The following DYNC1I1 variants were observed in gnomAD, a reference collection of about 807,000 sequenced individuals.
DYNC1I1 encodes dynein cytoplasmic 1 intermediate chain 1.
In DYNC1I1, 43 loss-of-function variants were observed where a neutral mutation model predicts 86.6. The ratio of observed to expected loss-of-function variants is 0.50; its 90% CI spans 0.39 to 0.64. The LOEUF (loss-of-function observed/expected upper bound fraction) is 0.64. DYNC1I1 is among the 30% of genes least tolerant of loss of function. The probability of loss-of-function intolerance (pLI) is 0.00; values close to 1 mark genes in which losing one functional copy is unlikely to be tolerated. For missense variants in DYNC1I1, 604 were observed against 788.8 expected (o/e 0.77, Z 2.81); for synonymous variants, 262 against 283.7 (o/e 0.92, Z 0.77).
chr7:95,995,471 A>G (rs1470887045), intron 9 of DYNC1I1, among the ~76,000 whole-genome samples: 1 of 152,188 alleles, frequency 6.6e-6, no homozygotes, highest in Non-Finnish European at 1.5e-5. Context: ...CCTGCATCTC[A>G]GAGAGAAATT....
chr7:96,025,635 G>T (rs1794659669), intron 10 of DYNC1I1, among the ~76,000 whole-genome samples: 1 of 152,096 alleles, frequency 6.6e-6, no homozygotes, highest in South Asian at 2.1e-4. Context: ...TTTTGAAATG[G>T]TTTAGTAGTC....
chr7:95,978,341 G>C (rs1039113196), intron 7 of DYNC1I1, among the ~76,000 whole-genome samples: 3 of 152,112 alleles, frequency 2.0e-5, no homozygotes, highest in African/African-American at 4.8e-5. Context: ...CCTCATAATA[G>C]CACTGTGCCT....
intron 7 of DYNC1I1, 68 bp downstream of exon 7, chr7:95,977,669 G>C: frequency 7.0e-7 from 1 of 1,438,778 alleles, no homozygotes; most frequent in Non-Finnish European, 9.5e-7. Flanking sequence ...ACTAATATAA[G>C]AGACTATAGA....
intron 5 of DYNC1I1, among the ~76,000 whole-genome samples, chr7:95,856,837 G>A (rs1013024887): frequency 1.3e-5 from 2 of 152,100 alleles, no homozygotes; most frequent in African/African-American, 4.8e-5. Context: ...AAATTAGCAG[G>A]GCGTGGTGGC....
chr7:95,857,934 C>T (rs970063062), intron 5 of DYNC1I1, among the ~76,000 whole-genome samples: 6 of 152,240 alleles, frequency 3.9e-5, no homozygotes, highest in African/African-American at 9.6e-5. Context: ...TTTCTTTCAA[C>T]GTCACAAACT....
chr7:96,015,982 G>A (rs527502072), intron 10 of DYNC1I1, among the ~76,000 whole-genome samples: 26 of 152,066 alleles, frequency 1.7e-4, no homozygotes, highest in Non-Finnish European at 3.5e-4. Flanking sequence ...AGGTCACCTG[G>A]TTCATCTTTG....
chr7:95,795,077 C>T (rs778229363), intron 1 of DYNC1I1, among the ~76,000 whole-genome samples: 11 of 152,202 alleles, frequency 7.2e-5, no homozygotes, highest in Non-Finnish European at 1.5e-4. Flanking sequence ...GCTTTTCCTT[C>T]TGGTGTCAGC....
intron 6 of DYNC1I1, among the ~76,000 whole-genome samples, chr7:95,945,523 ATTAAC>A (rs1440648922): frequency 1.3e-5 from 2 of 152,186 alleles, no homozygotes; most frequent in Admixed American, 6.5e-5. Context: ...CATATAATAA[ATTAAC>A]TTCAGAATAA....
At chr7:95,826,513 G>A (rs974166280) in intron 4 of DYNC1I1, among the ~76,000 whole-genome samples, 7 of 152,002 alleles carry the variant, frequency 4.6e-5, no homozygotes, top group South Asian at 2.1e-4. Flanking sequence ...AACAAATATC[G>A]TATTATATAA....
chr7:96,083,460 G>A (rs1790582437), intron 16 of DYNC1I1, among the ~76,000 whole-genome samples: 1 of 146,356 alleles, frequency 6.8e-6, no homozygotes, highest in African/African-American at 2.8e-5. Context: ...ACTTCTGAAA[G>A]AGGTAGATCC....
intron 1 of DYNC1I1, among the ~76,000 whole-genome samples, chr7:95,797,604 G>A (rs182247691): frequency 6.6e-6 from 1 of 152,264 alleles, no homozygotes; most frequent in Admixed American, 6.5e-5. Context: ...TCGATTCAAC[G>A]TTTAGGATAG....
intron 1 of DYNC1I1, among the ~76,000 whole-genome samples, chr7:95,798,817 C>T (rs1312585966): frequency 6.6e-6 from 1 of 152,192 alleles, no homozygotes; most frequent in East Asian, 1.9e-4. Flanking sequence ...CTGCTAGACA[C>T]TTTGTTCTAA....
chr7:96,005,115 CCAAT>C (rs1463251971), intron 10 of DYNC1I1, among the ~76,000 whole-genome samples: 1 of 152,154 alleles, frequency 6.6e-6, no homozygotes, highest in Non-Finnish European at 1.5e-5. Flanking sequence ...GCTGTCATAT[CCAAT>C]CAGTTTGTAT....
chr7:95,991,216 G>T (rs1484938258), intron 9 of DYNC1I1, among the ~76,000 whole-genome samples: 13 of 152,250 alleles, frequency 8.5e-5, no homozygotes, highest in Non-Finnish European at 2.9e-5. Context: ...ATTAGCCTGT[G>T]TTCAGTGACT....
At chr7:95,897,580 GA>G (rs1407021214) in intron 6 of DYNC1I1, among the ~76,000 whole-genome samples, 2 of 152,066 alleles carry the variant, frequency 1.3e-5, no homozygotes, top group Non-Finnish European at 2.9e-5. Context: ...TCATGAAGTG[GA>G]ATGAGTGGTC....
At chr7:95,975,907 CA>C (rs1793291398) in intron 6 of DYNC1I1, among the ~76,000 whole-genome samples, 1 of 152,132 alleles carries the variant, frequency 6.6e-6, no homozygotes, top group Admixed American at 6.5e-5. Context: ...GTCCTTGGGT[CA>C]GGAAGATACG....
chr7:96,026,309 A>G (rs181091994), intron 10 of DYNC1I1, among the ~76,000 whole-genome samples: 1 of 152,228 alleles, frequency 6.6e-6, no homozygotes, highest in Admixed American at 6.5e-5. Context: ...GCTGTTTCTA[A>G]CTAGGAAGCC....
intron 11 of DYNC1I1, among the ~76,000 whole-genome samples, chr7:96,032,432 T>G (rs1013208880): frequency 2.6e-5 from 4 of 152,198 alleles, no homozygotes; most frequent in Non-Finnish European, 5.9e-5. Context: ...TCCACTGCAT[T>G]GCATTCTGAC....
At chr7:96,044,265 A>C (rs1370560161) in intron 14 of DYNC1I1, among the ~76,000 whole-genome samples, 1 of 152,198 alleles carries the variant, frequency 6.6e-6, no homozygotes, top group African/African-American at 2.4e-5. Flanking sequence ...GCAATTAGTA[A>C]TAATGGCTAA....
Sources: allele counts gnomAD v4.1 joint callset (sites outside exome capture counted in the v4.1 genomes callset), GRCh38; gene constraint gnomAD v4.1.1; transcripts MANE v1.5; gene names NCBI Gene and HGNC (gene_info 2026-07-23, HGNC 2026-07-21).